TCF7L1: variants seen among roughly 807,000 people sequenced by gnomAD.
The protein encoded by TCF7L1 is transcription factor 7-like 1.
In TCF7L1, 18 loss-of-function variants were observed where a neutral mutation model predicts 63.7. The observed-to-expected ratio is 0.28, with a 90% CI of 0.20 to 0.42. The LOEUF (loss-of-function observed/expected upper bound fraction) is 0.42. TCF7L1 is among the 10% of genes least tolerant of loss of function. The pLI is 1.00. For synonymous variants in TCF7L1, 355 were observed against 340.9 expected (o/e 1.04, Z -0.46); for missense variants, 654 against 779.3 (o/e 0.84, Z 1.91).
intron 3 of TCF7L1, among the ~76,000 whole-genome samples, chr2:85,225,573 CTGTT>C (rs879355759): frequency 4.7e-4 from 71 of 152,242 alleles, no homozygotes; most frequent in Middle Eastern, 3.4e-3. Context: ...ATTTGGCTCT[CTGTT>C]TGTCTGTTAT....
chr2:85,142,982 G>C (rs1677780585), intron 3 of TCF7L1, among the ~76,000 whole-genome samples: 1 of 152,180 alleles, frequency 6.6e-6, no homozygotes, highest in Non-Finnish European at 1.5e-5. Context: ...TTAGGAAAAT[G>C]ATCTTCTAAT....
rs146770018 is a variant in TCF7L1, at chr2:85,236,970, C to T, written c.442-46525C>T. On this transcript the variant is annotated intron_variant, in intron 3 of 11. Transcript: ENST00000282111. Reference sequence around the variant, plus strand: ...TCAGACCCCAGGTCACTGTCGTAAGCTCTTTTCTTGGAACTCTGATCTCAG... The same window carrying T: ...TCAGACCCCAGGTCACTGTCGTAAGTTCTTTTCTTGGAACTCTGATCTCAG... Among the ~76,000 whole-genome samples the T allele has an allele frequency of 2.8e-3, 432 of 152,264 alleles. 1 individual carries two copies. The highest frequency in any genetic ancestry group is 1.0e-2 in the African/African-American group (415 of 41,554).
intron 4 of TCF7L1, among the ~76,000 whole-genome samples, chr2:85,297,973 T>C (rs1681870772): frequency 6.6e-6 from 1 of 150,944 alleles, no homozygotes; most frequent in East Asian, 2.0e-4. Context: ...TTTATTTTTG[T>C]TTGAGACAGA....
rs1274971843 is a variant in TCF7L1, at chr2:85,303,899, C to T, written c.663C>T (p.Ile221=). 1.2e-6 allele frequency: 2 copies of T among 1,608,250 alleles called. No homozygotes were observed. Among genetic ancestry groups the T allele is most frequent in the Non-Finnish European group, 1.7e-6 (2 of 1,176,156 alleles). ...CATATCTCTCTTTGGAAGCAGGAAT[C>T]CCCCGGCCCCCTCACCCATCCGAGC... ...LSPEIDPKTG[I]PRPPHPSELS... Residue 221 remains isoleucine (I), a synonymous_variant, in exon 6 of 12, where the codon ATC becomes ATT. Transcript: ENST00000282111.
chr2:85,134,483 G>A lies in TCF7L1; in HGVS notation c.441+33G>A, dbSNP rs1488317833. 1 of 1,544,916 alleles carries A rather than the reference G, an allele frequency of 6.5e-7. No homozygotes were observed. Among genetic ancestry groups the A allele is most frequent in the South Asian group, 1.2e-5 (1 of 83,686 alleles). ...CCCGTCGGGCGCGCCGGGGAGGGTG[G>A]GAGGCCGCGGCCCGCAGGATGCGCC... On this transcript the variant is annotated intron_variant, in intron 3 of 11. Coordinates refer to ENST00000282111, the MANE Select transcript of TCF7L1 (RefSeq NM_031283.3). This position sits in a 1 kb window ranked among gnomAD's most constrained non-coding sequence, Gnocchi z 5.0.
chr2:85,187,547 TC>T (rs779687394), intron 3 of TCF7L1, among the ~76,000 whole-genome samples: 21 of 152,212 alleles, frequency 1.4e-4, no homozygotes, highest in Non-Finnish European at 1.6e-4. Flanking sequence ...TTGATTTTTT[TC>T]CCCCTCCTGT....
chr2:85,268,337 C>T (rs905172088), intron 3 of TCF7L1, among the ~76,000 whole-genome samples: 2 of 152,142 alleles, frequency 1.3e-5, no homozygotes, highest in African/African-American at 4.8e-5. Flanking sequence ...GGAGGCAGCA[C>T]CTCCAGAGAG....
chr2:85,159,530 G>C (rs1055096384), intron 3 of TCF7L1, among the ~76,000 whole-genome samples: 1 of 152,202 alleles, frequency 6.6e-6, no homozygotes, highest in African/African-American at 2.4e-5. Context: ...CCTGCACTTG[G>C]GAAGATCTGA....
Position 85,309,631 on chromosome 2 carries a change from C to T in TCF7L1, c.*169C>T. ...TTTGTAGATGTAACCAGTAGCTGAT[C>T]TTAAGGCTTTTTTAAAAAACAAAAC... On this transcript the variant is annotated 3_prime_UTR_variant, in exon 12 of 12. Transcript: ENST00000282111. 1.8e-6 allele frequency: 1 copy of T among 548,254 alleles called. No individual in the cohort carries two copies. The highest frequency in any genetic ancestry group is 2.9e-6 in the Non-Finnish European group (1 of 343,878). 34.0% of individuals were successfully genotyped at this position (548,254 alleles called of 1,614,324 possible). A position where few individuals can be genotyped will look rare whatever the true frequency, so the allele number is the denominator to read the frequency against.
chr2:85,257,013 C>T (rs942963718), intron 3 of TCF7L1, among the ~76,000 whole-genome samples: 1 of 151,256 alleles, frequency 6.6e-6, no homozygotes, highest in African/African-American at 2.4e-5. Context: ...TAAAAATTCA[C>T]TAGAGCCTGG....
intron 3 of TCF7L1, among the ~76,000 whole-genome samples, chr2:85,224,085 G>C (rs1304301550): frequency 6.6e-6 from 1 of 152,156 alleles, no homozygotes; most frequent in African/African-American, 2.4e-5. Context: ...ATGGTTTCCA[G>C]CTTCATCCAT....
intron 3 of TCF7L1, among the ~76,000 whole-genome samples, chr2:85,138,120 T>C (rs1224423801): frequency 1.3e-5 from 2 of 152,168 alleles, no homozygotes; most frequent in Non-Finnish European, 2.9e-5. Context: ...TCTGTGGTTT[T>C]TGTGTCCATC....
At chr2:85,289,370 A>G (rs115412676) in intron 4 of TCF7L1, among the ~76,000 whole-genome samples, 278 of 152,334 alleles carry the variant, frequency 1.8e-3, no homozygotes, top group African/African-American at 6.4e-3. Context: ...GAGACAAATA[A>G]TCCAGATAAC....
chr2:85,181,105 C>G (rs1413615993), intron 3 of TCF7L1, among the ~76,000 whole-genome samples: 1 of 152,192 alleles, frequency 6.6e-6, no homozygotes, highest in African/African-American at 2.4e-5. Context: ...CCTGTGACCC[C>G]TCCTGAGTTG....
chr2:85,222,340 CAAAA>C (rs1273144437), intron 3 of TCF7L1, among the ~76,000 whole-genome samples: 28 of 95,940 alleles, frequency 2.9e-4, no homozygotes, highest in Non-Finnish European at 5.4e-4. Flanking sequence ...GACTCCATCT[CAAAA>C]AAAAAAACAA....
Position 85,306,382 on chromosome 2 carries a change from C to T in TCF7L1, c.1149+17C>T. 6.2e-7 allele frequency: 1 copy of T among 1,613,282 alleles called. No homozygotes were observed. Among genetic ancestry groups the T allele is most frequent in the Non-Finnish European group, 8.5e-7 (1 of 1,179,258 alleles). ...GGAAGAAAGGTAAGACCTGCCCTCT[C>T]CCTCCAGGCCAGGGAGGCAGCGTCC... On this transcript the variant is annotated intron_variant, in intron 9 of 11. Transcript: ENST00000282111. The surrounding 1 kb of genome is among the most constrained non-coding windows in gnomAD (Gnocchi z 4.3).
intron 3 of TCF7L1, among the ~76,000 whole-genome samples, chr2:85,169,947 A>T (rs981597803): frequency 6.6e-6 from 1 of 152,270 alleles, no homozygotes; most frequent in Non-Finnish European, 1.5e-5. Flanking sequence ...TCATTTTGAG[A>T]TAATTGTGAA....
chr2:85,238,004 G>A (rs1018493863), intron 3 of TCF7L1, among the ~76,000 whole-genome samples: 3 of 152,156 alleles, frequency 2.0e-5, no homozygotes, highest in African/African-American at 7.2e-5. Flanking sequence ...CCAGGCGAAG[G>A]AGGCTTCCGC....
intron 3 of TCF7L1, among the ~76,000 whole-genome samples, chr2:85,180,585 CA>C (rs1678781197): frequency 6.6e-6 from 1 of 152,224 alleles, no homozygotes; most frequent in Admixed American, 6.5e-5. Context: ...GAATCTTCCA[CA>C]CCACCTGGCT....
Sources: allele counts gnomAD v4.1 joint callset (sites outside exome capture counted in the v4.1 genomes callset), GRCh38; gene constraint gnomAD v4.1.1; non-coding constraint Gnocchi (gnomAD v3.1); transcripts MANE v1.5; gene names NCBI Gene and HGNC (gene_info 2026-07-23, HGNC 2026-07-21).